FRMPD4: variants seen among roughly 807,000 people sequenced by gnomAD.
FRMPD4 encodes the protein FERM and PDZ domain containing 4, also known as FERM and PDZ domain-containing protein 4.
Under a neutral mutation model 94.1 loss-of-function variants are expected in FRMPD4, and 22 were observed. The observed-to-expected ratio is 0.23, with a 90% CI of 0.17 to 0.33. FRMPD4 has a LOEUF of 0.33. Among genes scored for constraint, FRMPD4 ranks in the 10% least tolerant of loss-of-function variants. The probability of loss-of-function intolerance (pLI) is 1.00; values close to 1 mark genes in which losing one functional copy is unlikely to be tolerated. For synonymous variants in FRMPD4, 631 were observed against 548.6 expected (o/e 1.15, Z -2.10); for missense variants, 1,111 against 1,339.9 (o/e 0.83, Z 2.67).
intron 1 of FRMPD4, among the ~76,000 whole-genome samples, chrX:12,388,818 G>GATAT (rs3068660): frequency 0.024 from 1,432 of 60,619 alleles, 18 homozygotes; most frequent in South Asian, 0.04. Flanking sequence ...AAGAAAATGT[G>GATAT]ATATATATAT....
chrX:12,301,613 A>G (rs1472846180), intron 1 of FRMPD4, among the ~76,000 whole-genome samples: 1 of 112,321 alleles, frequency 8.9e-6, no homozygotes, highest in African/African-American at 3.2e-5. Context: ...TTCCTTTGAC[A>G]TTTCACAGAT....
intron 3 of FRMPD4, among the ~76,000 whole-genome samples, chrX:12,128,840 C>T (rs1311237265): frequency 8.9e-6 from 1 of 111,964 alleles, no homozygotes; most frequent in Non-Finnish European, 1.9e-5. Flanking sequence ...TGTCAAAGTT[C>T]CACAGATCTC....
intron 3 of FRMPD4, among the ~76,000 whole-genome samples, chrX:11,957,405 A>T (rs189955585): frequency 1.8e-5 from 2 of 111,433 alleles, no homozygotes; most frequent in East Asian, 2.8e-4. Flanking sequence ...AAAAAAATTT[A>T]AAAAATAGAA....
chrX:12,008,778 G>C (rs1185796319), intron 3 of FRMPD4, among the ~76,000 whole-genome samples: 1 of 111,939 alleles, frequency 8.9e-6, no homozygotes, highest in Non-Finnish European at 1.9e-5. Flanking sequence ...ATCTACATTA[G>C]GCAAGTGTTC....
intron 3 of FRMPD4, among the ~76,000 whole-genome samples, chrX:11,923,234 G>C (rs1311062141): frequency 3.5e-5 from 4 of 113,004 alleles, no homozygotes; most frequent in Non-Finnish European, 5.6e-5. Flanking sequence ...TCCTATTGCA[G>C]ATGGAGCCTT....
intron 3 of FRMPD4, among the ~76,000 whole-genome samples, chrX:11,925,808 A>C (rs5935191): frequency 0.35 from 38,616 of 110,323 alleles, 5,436 homozygotes; most frequent in East Asian, 0.81. Context: ...AGTTAGAAAG[A>C]TCTCAAGCTA....
At chrX:12,511,963 C>T (rs2058047515) in intron 2 of FRMPD4, among the ~76,000 whole-genome samples, 1 of 112,059 alleles carries the variant, frequency 8.9e-6, no homozygotes, top group South Asian at 3.8e-4. Flanking sequence ...AGATAACTTA[C>T]AGGCCAGAAG....
At chrX:11,935,262 TTA>T (rs1259737791) in intron 3 of FRMPD4, among the ~76,000 whole-genome samples, 6 of 31,547 alleles carry the variant, frequency 1.9e-4, no homozygotes, top group African/African-American at 5.5e-4. Context: ...TTTTTTTTTT[TTA>T]ATGTGTTTTT....
intron 3 of FRMPD4, among the ~76,000 whole-genome samples, chrX:12,050,220 C>T: frequency 8.9e-6 from 1 of 111,742 alleles, no homozygotes; most frequent in East Asian, 2.8e-4. Context: ...GAACAACTTC[C>T]AGTCCTGCAG....
At chrX:12,264,480 A>T (rs2054242985) in intron 1 of FRMPD4, among the ~76,000 whole-genome samples, 1 of 112,068 alleles carries the variant, frequency 8.9e-6, no homozygotes, top group Admixed American at 9.5e-5. Context: ...TTCACATTAC[A>T]GCTGCTTTCT....
chrX:12,502,518 G>C (rs1337695693), intron 2 of FRMPD4, among the ~76,000 whole-genome samples: 2 of 110,255 alleles, frequency 1.8e-5, no homozygotes, highest in African/African-American at 6.6e-5. Flanking sequence ...AAGAGAAAGA[G>C]AAATGAAGAG....
intron 1 of FRMPD4, among the ~76,000 whole-genome samples, chrX:11,839,113 G>C (rs1189633674): frequency 9.1e-6 from 1 of 109,917 alleles, no homozygotes; most frequent in Non-Finnish European, 1.9e-5. Flanking sequence ...AGTATATAAG[G>C]GTTCTAGTTT....
chrX:12,202,855 A>G (rs1299953707), intron 1 of FRMPD4, among the ~76,000 whole-genome samples: 1 of 111,779 alleles, frequency 8.9e-6, no homozygotes, highest in Admixed American at 9.5e-5. Flanking sequence ...CAACTCCAAG[A>G]AAAGGAATGC....
chrX:12,471,488 C>T (rs780722168), intron 1 of FRMPD4, among the ~76,000 whole-genome samples: 5 of 111,646 alleles, frequency 4.5e-5, no homozygotes, highest in Non-Finnish European at 7.5e-5. Context: ...TGACTGGATA[C>T]TTGGGACAAA....
At chrX:12,110,962 G>C (rs947033480) in intron 3 of FRMPD4, among the ~76,000 whole-genome samples, 3 of 111,560 alleles carry the variant, frequency 2.7e-5, no homozygotes, top group South Asian at 7.5e-4. Context: ...TCATGGATAG[G>C]AAAAATCAAT....
At chrX:12,437,388 CA>C (rs2057080322) in intron 1 of FRMPD4, among the ~76,000 whole-genome samples, 1 of 102,593 alleles carries the variant, frequency 9.7e-6, no homozygotes, top group Admixed American at 1.1e-4. Context: ...TTAGATCTAG[CA>C]ATATATTCTT....
chrX:12,158,614 G>A (rs1440954930), intron 1 of FRMPD4, among the ~76,000 whole-genome samples: 1 of 111,653 alleles, frequency 9.0e-6, no homozygotes, highest in Admixed American at 9.5e-5. Flanking sequence ...AATATCAATG[G>A]AATCATATAG....
intron 3 of FRMPD4, among the ~76,000 whole-genome samples, chrX:11,926,797 C>A (rs1379947627): frequency 1.8e-5 from 2 of 111,540 alleles, no homozygotes; most frequent in Non-Finnish European, 3.8e-5. Context: ...CAGCCAATAT[C>A]GTACTGAATG....
intron 1 of FRMPD4, among the ~76,000 whole-genome samples, chrX:12,269,251 T>C (rs1225815023): frequency 9.0e-6 from 1 of 111,424 alleles, no homozygotes; most frequent in African/African-American, 3.3e-5. Flanking sequence ...CCCAGCATAA[T>C]AGGTGGAGCA....
Sources: gnomAD v4.1 joint callset for allele counts (sites outside exome capture counted in the v4.1 genomes callset) on GRCh38, gnomAD v4.1.1 for gene constraint, MANE v1.5 for transcripts, NCBI Gene and HGNC (gene_info 2026-07-23, HGNC 2026-07-21) for gene names.